Variants in IGSF21 observed in about 807,000 individuals in gnomAD.
IGSF21 encodes immunoglobin superfamily member 21, also known as immunoglobulin superfamily member 21.
Under a neutral mutation model 46.8 loss-of-function variants are expected in IGSF21, and 28 were observed. The observed-to-expected ratio is 0.60, with a 90% CI of 0.44 to 0.82. IGSF21 has a LOEUF of 0.82. IGSF21 is among the 40% of genes least tolerant of loss of function. The probability of loss-of-function intolerance (pLI) is 0.00; values close to 1 mark genes in which losing one functional copy is unlikely to be tolerated. For missense variants in IGSF21, 624 were observed against 665.5 expected, an observed-to-expected ratio of 0.94 and a Z score of 0.69; for synonymous variants, 284 against 273.6, an observed-to-expected ratio of 1.04 and a Z score of -0.38.
chr1:18,352,916 A>G (rs2085972727), intron 4 of IGSF21, among the ~76,000 whole-genome samples: 1 of 152,082 alleles, frequency 6.6e-6, no homozygotes, highest in African/African-American at 2.4e-5. Context: ...TCCACTCAGA[A>G]CGGCCCCCAT....
At chr1:18,221,265 C>T (rs753612211) in intron 1 of IGSF21, among the ~76,000 whole-genome samples, 46 of 152,290 alleles carry the variant, frequency 3.0e-4, no homozygotes, top group Non-Finnish European at 1.2e-4. Flanking sequence ...AAACTCATCT[C>T]GGTTTGCCAG....
intron 2 of IGSF21, among the ~76,000 whole-genome samples, chr1:18,255,786 C>T (rs2084886703): frequency 6.6e-6 from 1 of 152,136 alleles, no homozygotes; most frequent in Non-Finnish European, 1.5e-5. Flanking sequence ...TGTGCCTGCT[C>T]CTCCCCTCCC....
At chr1:18,210,151 G>A (rs891105241) in intron 1 of IGSF21, among the ~76,000 whole-genome samples, 2 of 152,120 alleles carry the variant, frequency 1.3e-5, no homozygotes, top group African/African-American at 4.8e-5. Context: ...TAGGATGTAT[G>A]CATTTAATGA....
At chr1:18,231,772 G>A (rs2084627906) in intron 2 of IGSF21, among the ~76,000 whole-genome samples, 2 of 152,118 alleles carry the variant, frequency 1.3e-5, no homozygotes, top group African/African-American at 4.8e-5. Flanking sequence ...GTAGAACATT[G>A]AGATTTTCTT....
intron 1 of IGSF21, among the ~76,000 whole-genome samples, chr1:18,178,821 C>T (rs116780327): frequency 0.028 from 4,233 of 152,218 alleles, 114 homozygotes; most frequent in South Asian, 0.096. Flanking sequence ...TCCAGACCCC[C>T]AGGCAGGCAG....
chr1:18,184,004 C>T (rs57283463), intron 1 of IGSF21, among the ~76,000 whole-genome samples: 8,013 of 152,118 alleles, frequency 0.053, 231 homozygotes, highest in African/African-American at 0.062. Flanking sequence ...TTGCCGAACA[C>T]CAGTTCAAGC....
intron 3 of IGSF21, among the ~76,000 whole-genome samples, chr1:18,299,440 C>T (rs1480940628): frequency 6.6e-6 from 1 of 152,148 alleles, no homozygotes; most frequent in Non-Finnish European, 1.5e-5. Flanking sequence ...GCCATCTGAC[C>T]CTCGTTGATT....
At chr1:18,224,625 C>T (rs149688744) in intron 1 of IGSF21, among the ~76,000 whole-genome samples, 27 of 151,970 alleles carry the variant, frequency 1.8e-4, no homozygotes, top group African/African-American at 4.3e-4. Context: ...GTGCCTGGTA[C>T]GGAATAGATT....
chr1:18,293,417 G>A (rs2085285662), intron 3 of IGSF21, among the ~76,000 whole-genome samples: 1 of 152,142 alleles, frequency 6.6e-6, no homozygotes. Flanking sequence ...ATGGGAAGGT[G>A]AGTGTGCTCC....
intron 3 of IGSF21, among the ~76,000 whole-genome samples, chr1:18,314,106 G>A (rs796189807): frequency 1.3e-5 from 2 of 152,136 alleles, no homozygotes; most frequent in African/African-American, 4.8e-5. Flanking sequence ...TCTCACGGCC[G>A]GGGCCAATTT....
chr1:18,321,237 G>A (rs2085597730), intron 3 of IGSF21, among the ~76,000 whole-genome samples: 1 of 152,190 alleles, frequency 6.6e-6, no homozygotes, highest in African/African-American at 2.4e-5. Flanking sequence ...GGCAGGTTGT[G>A]CACCAGGCCT....
intron 2 of IGSF21, among the ~76,000 whole-genome samples, chr1:18,239,370 G>A (rs2084703585): frequency 6.6e-6 from 1 of 152,012 alleles, no homozygotes; most frequent in African/African-American, 2.4e-5. Flanking sequence ...CTCCCACAGG[G>A]CAGGCAGTCT....
At chr1:18,108,788 A>C (rs1052174775) in intron 1 of IGSF21, among the ~76,000 whole-genome samples, 14 of 151,098 alleles carry the variant, frequency 9.3e-5, no homozygotes, top group Admixed American at 8.6e-4. Context: ...ACAGCGGATT[A>C]CTATTTCTGT....
At chr1:18,171,701 G>A (rs567767889) in intron 1 of IGSF21, among the ~76,000 whole-genome samples, 1 of 152,202 alleles carries the variant, frequency 6.6e-6, no homozygotes, top group African/African-American at 2.4e-5. Flanking sequence ...CTTATTTCTG[G>A]CACAAACTCC....
chr1:18,343,812 C>T (rs1462735822), intron 4 of IGSF21, among the ~76,000 whole-genome samples: 1 of 152,224 alleles, frequency 6.6e-6, no homozygotes, highest in African/African-American at 2.4e-5. Context: ...ATGTCTATCC[C>T]TGTGCACGTC....
chr1:18,144,539 G>A (rs1178303247), intron 1 of IGSF21, among the ~76,000 whole-genome samples: 1 of 152,058 alleles, frequency 6.6e-6, no homozygotes, highest in Admixed American at 6.6e-5. Context: ...GCCTGGGTCC[G>A]GAACCCTCTG....
chr1:18,305,419 GGATA>G (rs1485839665), intron 3 of IGSF21, among the ~76,000 whole-genome samples: 4 of 150,954 alleles, frequency 2.6e-5, no homozygotes, highest in Admixed American at 6.6e-5. Flanking sequence ...GATGATGGAT[GGATA>G]GATGGATGGA....
intron 1 of IGSF21, among the ~76,000 whole-genome samples, chr1:18,190,045 C>T (rs1174080798): frequency 6.6e-6 from 1 of 152,192 alleles, no homozygotes; most frequent in East Asian, 1.9e-4. Flanking sequence ...CCTCAGCCCT[C>T]TTCCTGGACA....
chr1:18,273,418 TC>T, intron 2 of IGSF21, among the ~76,000 whole-genome samples: 1 of 145,372 alleles, frequency 6.9e-6, no homozygotes. Context: ...TCCTTTCTTT[TC>T]CTTTCCTTTC....
Sources: gnomAD v4.1 joint callset for allele counts (sites outside exome capture counted in the v4.1 genomes callset) on GRCh38, gnomAD v4.1.1 for gene constraint, MANE v1.5 for transcripts, NCBI Gene and HGNC (gene_info 2026-07-23, HGNC 2026-07-21) for gene names.